ATCAY: variants seen among roughly 807,000 people sequenced by gnomAD.
ATCAY encodes ATCAY kinesin light chain interacting caytaxin.
Under a neutral mutation model 47.7 loss-of-function variants are expected in ATCAY, and 22 were observed. The observed-to-expected ratio is 0.46, with a 90% CI of 0.33 to 0.66. ATCAY has a LOEUF of 0.66. Among genes scored for constraint, ATCAY ranks in the 30% least tolerant of loss-of-function variants. The pLI, the probability that ATCAY is intolerant of heterozygous loss-of-function variation, is 0.02. For missense variants in ATCAY, 452 were observed against 515.0 expected, an observed-to-expected ratio of 0.88 and a Z score of 1.18; for synonymous variants, 216 against 207.6, an observed-to-expected ratio of 1.04 and a Z score of -0.35.
intron 1 of ATCAY, among the ~76,000 whole-genome samples, chr19:3,885,109 T>TAAAAAAAAA (rs34258948): frequency 1.4e-5 from 1 of 70,312 alleles, no homozygotes; most frequent in Non-Finnish European, 2.6e-5. Flanking sequence ...TTTTTTTTTT[T>TAAAAAAAAA]AAAAAAAAAA....
At chr19:3,894,822 A>G (rs1429093528) in intron 2 of ATCAY, among the ~76,000 whole-genome samples, 1 of 150,986 alleles carries the variant, frequency 6.6e-6, no homozygotes, top group Non-Finnish European at 1.5e-5. Flanking sequence ...GGTGGTGCAC[A>G]CCTAGGGTCC....
rs36107570 is a variant in ATCAY, at chr19:3,912,886, T to TA, written c.867-862dup. Among the ~76,000 whole-genome samples the TA allele has an allele frequency of 2.6e-3, 385 of 145,530 alleles. 3 individuals carry two copies. Among genetic ancestry groups the TA allele is most frequent in the African/African-American group, 8.7e-3 (345 of 39,434 alleles). On this transcript the variant is annotated intron_variant, in intron 8 of 12. Transcript: ENST00000450849. ...GGTGACAGAGTGAGACTCTGTCTCTTAAAAAAAAAATACCATGAAGTGCTG... is the reference window on the plus strand; with the variant it reads ...GGTGACAGAGTGAGACTCTGTCTCTTAAAAAAAAAAATACCATGAAGTGCTG...
At chr19:3,900,979 G>A (rs1161655684) in intron 2 of ATCAY, among the ~76,000 whole-genome samples, 4 of 139,454 alleles carry the variant, frequency 2.9e-5, no homozygotes, top group African/African-American at 1.1e-4. Context: ...TCGGCTCACT[G>A]CAAGCTCCGC....
rs377183590 is a variant in ATCAY at position 3,907,778 on chromosome 19, G to A, written c.403G>A (p.Ala135Thr). ...CGCCAAGAACATGCCCGGGGACAGC[G>A]CGGATCTATTTGGGGACGGCACGAC... ...ATAKNMPGDS[A>T]DLFGDGTTED... The change falls in exon 5 of 13, where the codon GCG becomes ACG. Residue 135 changes from alanine (A) to threonine (T), a missense_variant. Physicochemically the swap from Ala to Thr is moderately conservative, Grantham distance 58. Transcript: ENST00000450849. The surrounding 1 kb of genome is among the most constrained non-coding windows in gnomAD (Gnocchi z 5.1). 3.0e-5 allele frequency: 49 copies of A among 1,613,918 alleles called. No homozygotes were observed. The highest frequency in any genetic ancestry group is 1.6e-4 in the Middle Eastern group (1 of 6,084).
intron 2 of ATCAY, among the ~76,000 whole-genome samples, chr19:3,897,193 C>T (rs1019868482): frequency 7.2e-5 from 11 of 151,880 alleles, no homozygotes; most frequent in African/African-American, 2.7e-4. Context: ...TGCAATTTTG[C>T]AGCGCTGGTT....
In ATCAY at chr19:3,913,872, G is replaced by T. The variant is rs763061776; in HGVS notation, c.965+16G>T. The T allele has an allele frequency of 1.0e-4, 164 of 1,581,424 alleles. No individual in the cohort carries two copies. Among genetic ancestry groups the T allele is most frequent in the Non-Finnish European group, 8.1e-5 (94 of 1,158,436 alleles). The stretch of plus-strand genomic sequence containing the variant: ...GCGTCCTGCAGTGAGTGGCCCCACA[G>T]TCCACCCCGCCGTATTAGTCTGTTT... On this transcript the variant is annotated intron_variant, in intron 9 of 12. Coordinates refer to ENST00000450849, the MANE Select transcript of ATCAY (RefSeq NM_033064.5).
At chr19:3,899,921 C>T (rs1255197870) in intron 2 of ATCAY, among the ~76,000 whole-genome samples, 2 of 152,104 alleles carry the variant, frequency 1.3e-5, no homozygotes, top group Non-Finnish European at 2.9e-5. Flanking sequence ...GTAATTCCAG[C>T]ATTTCTGTCT....
intron 2 of ATCAY, among the ~76,000 whole-genome samples, chr19:3,886,719 CTTTT>C (rs546816341): frequency 7.6e-6 from 1 of 131,452 alleles, no homozygotes. Flanking sequence ...ACATGCTGAA[CTTTT>C]TTTTTTTTTT....
At chr19:3,902,396 G>A (rs191872542) in intron 2 of ATCAY, 91 bp from the exon 3 acceptor site, 28 of 1,202,178 alleles carry the variant, frequency 2.3e-5, no homozygotes, top group South Asian at 2.0e-4. Context: ...TGTCTGACTC[G>A]CCTGGCTGGA....
chr19:3,886,542 A>C (rs184272229), intron 2 of ATCAY, among the ~76,000 whole-genome samples: 1,977 of 150,820 alleles, frequency 0.013, 31 homozygotes, highest in East Asian at 0.054. Context: ...GTGAGCCGAG[A>C]TCGCGCCACT....
intron 10 of ATCAY, 48 bp downstream of exon 10, chr19:3,917,825 G>T (rs773654978): frequency 6.3e-7 from 1 of 1,596,380 alleles, no homozygotes; most frequent in Non-Finnish European, 8.5e-7. Flanking sequence ...GCAGCGGGGG[G>T]CTGAGCTGAA....
At chr19:3,908,047 G>A in intron 5 of ATCAY, 128 bp downstream of exon 5, 2 of 1,300,248 alleles carry the variant, frequency 1.5e-6, no homozygotes, top group Non-Finnish European at 2.1e-6. Flanking sequence ...TGGACGGACT[G>A]TGGGCAAGGC....
At chr19:3,923,045 G>A (rs1431795675) in intron 12 of ATCAY, among the ~76,000 whole-genome samples, 2 of 152,010 alleles carry the variant, frequency 1.3e-5, no homozygotes, top group African/African-American at 2.4e-5. Flanking sequence ...ATGCCCAGCT[G>A]ACCACACAGT....
At chr19:3,906,166 G>A (rs1342698025) in intron 4 of ATCAY, among the ~76,000 whole-genome samples, 9 of 125,386 alleles carry the variant, frequency 7.2e-5, no homozygotes, top group Admixed American at 4.8e-4. Context: ...GCGAGACTCC[G>A]TCTCAAAAAA....
At chr19:3,881,116 G>C (rs1435794252) in intron 1 of ATCAY, 108 bp downstream of exon 1, 1 of 152,144 alleles carries the variant, frequency 6.6e-6, no homozygotes, top group Non-Finnish European at 1.5e-5. Context: ...GGGCGGGTGG[G>C]AGCAGAGAGC....
At chr19:3,890,652 G>A (rs1398405778) in intron 2 of ATCAY, among the ~76,000 whole-genome samples, 2 of 152,202 alleles carry the variant, frequency 1.3e-5, no homozygotes, top group South Asian at 4.1e-4. Context: ...CAAGCTGGAG[G>A]CCCTTTCTGG....
At chr19:3,921,260 C>G (rs1390297017) in intron 12 of ATCAY, among the ~76,000 whole-genome samples, 1 of 151,698 alleles carries the variant, frequency 6.6e-6, no homozygotes, top group East Asian at 1.9e-4. Flanking sequence ...CCTGTAATCC[C>G]AGCACTTTGG....
At chr19:3,920,910 T>C (rs2039012471) in intron 12 of ATCAY, 112 bp downstream of exon 12, 2 of 1,305,730 alleles carry the variant, frequency 1.5e-6, no homozygotes, top group Middle Eastern at 2.0e-4. Flanking sequence ...CCAGCAAATA[T>C]AAAGCAGGCA....
intron 2 of ATCAY, among the ~76,000 whole-genome samples, chr19:3,896,880 G>A (rs755295953): frequency 2.0e-5 from 3 of 152,032 alleles, no homozygotes; most frequent in Admixed American, 6.6e-5. Context: ...AGGTTCAAGC[G>A]ATTCTCCTGC....
Sources: gnomAD v4.1 joint callset for allele counts (sites outside exome capture counted in the v4.1 genomes callset) on GRCh38, gnomAD v4.1.1 for gene constraint, Gnocchi (gnomAD v3.1) non-coding constraint, MANE v1.5 for transcripts, NCBI Gene and HGNC (gene_info 2026-07-23, HGNC 2026-07-21) for gene names.